The following ZNF532 variants were observed in gnomAD, a reference collection of about 807,000 sequenced individuals.
ZNF532 encodes the protein zinc finger protein 532.
In ZNF532, 22 loss-of-function variants were observed where a neutral mutation model predicts 89.3. The ratio of observed to expected loss-of-function variants is 0.25; its 90% CI spans 0.18 to 0.35. The LOEUF (loss-of-function observed/expected upper bound fraction) is 0.35. Among genes scored for constraint, ZNF532 ranks in the 10% least tolerant of loss-of-function variants. The probability of loss-of-function intolerance (pLI) is 1.00; values close to 1 mark genes in which losing one functional copy is unlikely to be tolerated. For missense variants in ZNF532, 1,132 were observed against 1,643.4 expected, an observed-to-expected ratio of 0.69 and a Z score of 5.38; for synonymous variants, 606 against 649.6, an observed-to-expected ratio of 0.93 and a Z score of 1.02.
chr18:58,966,738 G>GTTTTGTTTTTTTTTTTTTT (rs2065949156), intron 7 of ZNF532, among the ~76,000 whole-genome samples: 1 of 125,994 alleles, frequency 7.9e-6, no homozygotes, highest in Non-Finnish European at 1.7e-5. Flanking sequence ...ATTTTTTTGT[G>GTTTTGTTTTTTTTTTTTTT]TTTTTTTTTT....
chr18:58,875,963 C>T (rs1203234582), intron 2 of ZNF532, among the ~76,000 whole-genome samples: 4 of 136,820 alleles, frequency 2.9e-5, no homozygotes, highest in South Asian at 2.4e-4. Flanking sequence ...GACAGAGTCT[C>T]GCTCTGTCGC....
rs75707621 is a variant in ZNF532 at position 58,966,744 on chromosome 18, T to G, written c.3151-12311T>G. 6.0e-3 allele frequency among the ~76,000 whole-genome samples: 548 copies of G among 90,606 alleles called. 1 individual carries two copies. Among genetic ancestry groups the G allele is most frequent in the African/African-American group, 0.021 (183 of 8,700 alleles). 59.4% of individuals were successfully genotyped at this position (90,606 alleles called of 152,430 possible). On this transcript the variant is annotated intron_variant, in intron 7 of 9. Transcript: ENST00000591808. ...AGAAAAGGCATTTTTTTGTGTTTTT[T>G]TTTTTTTTTTTTTTTTCTTTCAGGT...
chr18:58,924,249 T>G (rs2061354427), intron 3 of ZNF532, among the ~76,000 whole-genome samples: 1 of 152,228 alleles, frequency 6.6e-6, no homozygotes, highest in Non-Finnish European at 1.5e-5. Context: ...AGTATACCAG[T>G]CTACACTGTA....
intron 3 of ZNF532, among the ~76,000 whole-genome samples, chr18:58,925,027 C>T (rs993348815): frequency 6.6e-6 from 1 of 152,142 alleles, no homozygotes. Context: ...TGTTGAAAGA[C>T]ATCTGCATTG....
At chr18:58,885,291 G>T (rs1157655838) in intron 2 of ZNF532, among the ~76,000 whole-genome samples, 1 of 152,132 alleles carries the variant, frequency 6.6e-6, no homozygotes, top group Admixed American at 6.6e-5. Context: ...GCTCAGCTGG[G>T]TGTTTTTTTG....
chr18:58,954,374 A>T (rs1043173819), intron 7 of ZNF532: 2 of 511,974 alleles, frequency 3.9e-6, no homozygotes, highest in Non-Finnish European at 2.5e-6. Flanking sequence ...TTTAAAAAAT[A>T]CTTATTAGAC....
intron 3 of ZNF532, among the ~76,000 whole-genome samples, 158 bp downstream of exon 3, chr18:58,920,791 T>TGTGTGTGTG (rs2061002819): frequency 5.5e-5 from 3 of 54,776 alleles, no homozygotes; most frequent in Admixed American, 2.0e-4. Context: ...TGTGTGTGTG[T>TGTGTGTGTG]TTGGGGAGGG....
chr18:58,956,361 C>T (rs189637398), intron 7 of ZNF532, among the ~76,000 whole-genome samples: 57 of 152,316 alleles, frequency 3.7e-4, no homozygotes, highest in Admixed American at 3.3e-3. Flanking sequence ...AGTTTCAATC[C>T]TGTTCCCTCA....
chr18:58,941,806 CTTTG>C (rs377266457), intron 5 of ZNF532, among the ~76,000 whole-genome samples: 1 of 151,234 alleles, frequency 6.6e-6, no homozygotes, highest in African/African-American at 2.4e-5. Flanking sequence ...TTTCTCTTTT[CTTTG>C]TTTCTTTTCT....
chr18:58,973,868 TGAAA>T (rs2066741204), intron 7 of ZNF532, among the ~76,000 whole-genome samples: 1 of 152,002 alleles, frequency 6.6e-6, no homozygotes, highest in African/African-American at 2.4e-5. Context: ...TTATGCTGAG[TGAAA>T]GAAGCGAGAC....
chr18:58,945,045 A>C (rs2063532830), intron 5 of ZNF532, among the ~76,000 whole-genome samples: 1 of 152,238 alleles, frequency 6.6e-6, no homozygotes, highest in South Asian at 2.1e-4. Flanking sequence ...CTTCATCCAG[A>C]TTCCTCCCAG....
Position 58,985,549 on chromosome 18 carries a change from C to T in ZNF532, c.*1083C>T, listed in dbSNP as rs1012711478. Reference sequence around the variant, plus strand: ...TATCAATGCAGCCGCCTGTGTATTGCAATTGGCCGTTACCTTAAGCACTGA... The same window carrying T: ...TATCAATGCAGCCGCCTGTGTATTGTAATTGGCCGTTACCTTAAGCACTGA... On this transcript the variant is annotated 3_prime_UTR_variant, in exon 10 of 10. Transcript: ENST00000591808. 2 of 152,576 alleles carry T rather than the reference C, an allele frequency of 1.3e-5. No homozygotes were observed. The highest frequency in any genetic ancestry group is 2.9e-5 in the Non-Finnish European group (2 of 68,014). 9.5% of individuals were successfully genotyped at this position (152,576 alleles called of 1,614,324 possible).
At chr18:58,885,082 G>A (rs2145092246) in intron 2 of ZNF532, among the ~76,000 whole-genome samples, 1 of 151,292 alleles carries the variant, frequency 6.6e-6, no homozygotes, top group South Asian at 2.1e-4. Context: ...TCCGCCTCCT[G>A]GGTTCAAGCG....
At chr18:58,959,260 G>GTTTTTTTTTTTTTTTTT (rs1459830009) in intron 7 of ZNF532, among the ~76,000 whole-genome samples, 5 of 128,706 alleles carry the variant, frequency 3.9e-5, no homozygotes, top group African/African-American at 1.3e-4. Flanking sequence ...TTTGTTTTTT[G>GTTTTTTTTTTTTTTTTT]TTTTTTTTTG....
intron 2 of ZNF532, among the ~76,000 whole-genome samples, chr18:58,902,328 A>C (rs1426720851): frequency 1.3e-5 from 2 of 152,026 alleles, no homozygotes; most frequent in Non-Finnish European, 2.9e-5. Flanking sequence ...GGGACCCAGA[A>C]ATGCTGAGAT....
chr18:58,955,805 G>C (rs776095144), intron 7 of ZNF532, among the ~76,000 whole-genome samples: 13 of 152,180 alleles, frequency 8.5e-5, no homozygotes, highest in Non-Finnish European at 1.3e-4. Flanking sequence ...TTTCCTACTA[G>C]CATTGTACAG....
chr18:58,913,553 C>A (rs76067082), intron 2 of ZNF532, among the ~76,000 whole-genome samples: 14,310 of 151,366 alleles, frequency 0.095, 1,196 homozygotes, highest in East Asian at 0.39. Flanking sequence ...GAGTTCGAGA[C>A]CAGCTTGGAC....
chr18:58,888,743 T>TATATATAA (rs1555709077), intron 2 of ZNF532, among the ~76,000 whole-genome samples: 1 of 41,550 alleles, frequency 2.4e-5, no homozygotes, highest in African/African-American at 1.8e-4. Context: ...TATATATATT[T>TATATATAA]TATATATATA....
intron 2 of ZNF532, among the ~76,000 whole-genome samples, chr18:58,876,377 C>T (rs2057433480): frequency 6.6e-6 from 1 of 152,316 alleles, no homozygotes; most frequent in African/African-American, 2.4e-5. Context: ...GCTCTCTGCT[C>T]CTCCCTTGGT....
Sources: gnomAD v4.1 joint callset for allele counts (sites outside exome capture counted in the v4.1 genomes callset) on GRCh38, gnomAD v4.1.1 for gene constraint, MANE v1.5 for transcripts, NCBI Gene and HGNC (gene_info 2026-07-23, HGNC 2026-07-21) for gene names.